The following STOX1 variants were observed in gnomAD, a reference collection of about 807,000 sequenced individuals.
STOX1 encodes storkhead-box protein 1.
Under a neutral mutation model 74.8 loss-of-function variants are expected in STOX1, and 57 were observed. The observed-to-expected ratio is 0.76, with a 90% CI of 0.62 to 0.95. The LOEUF is 0.95. Among genes scored for constraint, STOX1 ranks in the 40% least tolerant of loss-of-function variants. STOX1 has a pLI of 0.00. For missense variants in STOX1, 1,010 were observed against 1,117.0 expected (o/e 0.90, Z 1.37); for synonymous variants, 375 against 401.3 (o/e 0.93, Z 0.78).
chr10:68,831,039 G>A (rs1839393652), intron 1 of STOX1, among the ~76,000 whole-genome samples: 1 of 152,180 alleles, frequency 6.6e-6, no homozygotes, highest in Non-Finnish European at 1.5e-5. Flanking sequence ...GCCTCTTGCA[G>A]CACTGACTTC....
chr10:68,839,516 G>A (rs1042661148), intron 1 of STOX1, among the ~76,000 whole-genome samples: 3 of 152,114 alleles, frequency 2.0e-5, no homozygotes, highest in African/African-American at 7.2e-5. Flanking sequence ...AACACAGCTG[G>A]GAGTCTCTCT....
At chr10:68,873,559 C>CA (rs1316368959) in intron 1 of STOX1, among the ~76,000 whole-genome samples, 1 of 63,188 alleles carries the variant, frequency 1.6e-5, no homozygotes, top group African/African-American at 5.8e-5. Context: ...CCGCGCCTGG[C>CA]CTTTTTTTTT....
chr10:68,841,096 A>G (rs957353521), intron 1 of STOX1, among the ~76,000 whole-genome samples: 5 of 151,762 alleles, frequency 3.3e-5, no homozygotes, highest in African/African-American at 1.2e-4. Context: ...ACAGGTGCCT[A>G]CCACCAAGTC....
In STOX1 at chr10:68,833,080, G is replaced by GTTTT. The variant is rs1185911507; in HGVS notation, c.310+5167_310+5170dup. On this transcript the variant is annotated intron_variant, in intron 1 of 3. Transcript: ENST00000298596. ...CCACCTTGCCTAGCCACTTCTGTGG[G>GTTTT]TTTTTTTTTTTTTTTTTTTTTTTGA... Among the ~76,000 whole-genome samples the GTTTT allele has an allele frequency of 1.7e-3, 173 of 104,618 alleles. 5 individuals carry two copies. The highest frequency in any genetic ancestry group is 6.3e-3 in the African/African-American group (152 of 24,198). 68.6% of individuals were successfully genotyped at this position (104,618 alleles called of 152,430 possible). A position where few individuals can be genotyped will look rare whatever the true frequency, so the allele number is the denominator to read the frequency against.
intron 1 of STOX1, among the ~76,000 whole-genome samples, chr10:68,875,658 T>A (rs1227453362): frequency 6.6e-6 from 1 of 152,194 alleles, no homozygotes; most frequent in East Asian, 1.9e-4. Context: ...CACTTCTTTT[T>A]CCTCAGAACT....
intron 3 of STOX1, among the ~76,000 whole-genome samples, chr10:68,887,607 T>G (rs1304058634): frequency 2.0e-5 from 3 of 150,862 alleles, no homozygotes; most frequent in African/African-American, 7.3e-5. Context: ...TTTTTTTTTT[T>G]TTTTTTGAGG....
chr10:68,850,697 G>A (rs1839961920), intron 1 of STOX1, among the ~76,000 whole-genome samples: 1 of 152,224 alleles, frequency 6.6e-6, no homozygotes. Context: ...CATTTGGCTG[G>A]GCACAGTGGC....
chr10:68,892,594 A>G lies in STOX1; in HGVS notation c.2828A>G (p.Gln943Arg), dbSNP rs772819851. 4 of 1,613,554 alleles carry G rather than the reference A, an allele frequency of 2.5e-6. No individual in the cohort carries two copies. The South Asian group carries it at 4.4e-5, about 18-fold the overall frequency. ...GTTATTTTTAATATCTTTAGGACAC[A>G]GAGTCTGGGATCTAATAATTCAGTC... Reference protein sequence around the residue: ...GDSGIDSPRTQSLGSNNSVIL... With the variant: ...GDSGIDSPRTRSLGSNNSVIL... Residue 943 changes from glutamine (Q) to arginine (R), a missense_variant, in exon 4 of 4, where the codon CAG becomes CGG. By Grantham distance (43) the Gln-to-Arg change is conservative (BLOSUM62 1). Transcript: ENST00000298596.
intron 1 of STOX1, among the ~76,000 whole-genome samples, chr10:68,868,858 A>G (rs1030080608): frequency 6.6e-6 from 1 of 152,244 alleles, no homozygotes; most frequent in Admixed American, 6.5e-5. Context: ...GACACGTGTC[A>G]AATCTATTCC....
rs1216984448 is a variant in STOX1, at chr10:68,892,854, A to G, written c.*118A>G. 9.0e-6 allele frequency: 10 copies of G among 1,108,306 alleles called. No individual in the cohort carries two copies. Among genetic ancestry groups the G allele is most frequent in the Middle Eastern group, 2.8e-4 (1 of 3,510 alleles). 68.7% of individuals were successfully genotyped at this position (1,108,306 alleles called of 1,614,324 possible). A position where few individuals can be genotyped will look rare whatever the true frequency, so the allele number is the denominator to read the frequency against. The stretch of plus-strand genomic sequence containing the variant: ...GTCTAAAGGCAAGCATATCTATACT[A>G]TTAACCACATTACACATTTTGTTCT... On this transcript the variant is annotated 3_prime_UTR_variant, in exon 4 of 4. Transcript: ENST00000298596.
intron 1 of STOX1, among the ~76,000 whole-genome samples, chr10:68,843,143 A>G (rs1189221962): frequency 6.6e-6 from 1 of 152,150 alleles, no homozygotes; most frequent in Non-Finnish European, 1.5e-5. Context: ...GACTCAAGCC[A>G]TCCTTCTGCC....
Position 68,827,561 on chromosome 10 carries a change from G to T in STOX1, c.-63G>T. On this transcript the variant is annotated 5_prime_UTR_variant, in exon 1 of 4. Transcript: ENST00000298596. Reference sequence around the variant, plus strand: ...CGGCCGATCCTCCCGCCGAGCGAGCGGCGTCGTAGCCGCCGCGCTCGCCGA... The same window carrying T: ...CGGCCGATCCTCCCGCCGAGCGAGCTGCGTCGTAGCCGCCGCGCTCGCCGA... The T allele has an allele frequency of 9.6e-7, 1 of 1,042,918 alleles. No homozygotes were observed. Among genetic ancestry groups the T allele is most frequent in the Non-Finnish European group, 1.2e-6 (1 of 852,586 alleles). The allele number at this position is 1,042,918 out of a possible 1,614,324, so 64.6% of individuals were successfully genotyped here.
intron 1 of STOX1, among the ~76,000 whole-genome samples, chr10:68,874,660 CAAAAAAAAAA>C (rs545162403): frequency 0.48 from 60,042 of 126,302 alleles, 12,964 homozygotes; most frequent in Middle Eastern, 0.52. Flanking sequence ...GACTCCGTCT[CAAAAAAAAAA>C]AAAAAAAAAA....
intron 1 of STOX1, among the ~76,000 whole-genome samples, chr10:68,872,345 T>TC (rs200355695): frequency 1.9e-4 from 23 of 118,348 alleles, no homozygotes; most frequent in South Asian, 6.1e-4. Context: ...TTCTTTTCTT[T>TC]TTTTTTTTTT....
intron 1 of STOX1, among the ~76,000 whole-genome samples, chr10:68,881,357 C>T (rs1000351707): frequency 6.6e-6 from 1 of 152,192 alleles, no homozygotes; most frequent in Non-Finnish European, 1.5e-5. Flanking sequence ...CTTAAATGTG[C>T]TTTCCATGGT....
At chr10:68,865,285 G>A (rs939047938) in intron 1 of STOX1, among the ~76,000 whole-genome samples, 1 of 147,094 alleles carries the variant, frequency 6.8e-6, no homozygotes, top group Non-Finnish European at 1.6e-5. Flanking sequence ...AATCGTAAAT[G>A]CAAACCGTTC....
chr10:68,867,395 T>C (rs1840436683), intron 1 of STOX1, among the ~76,000 whole-genome samples: 1 of 152,222 alleles, frequency 6.6e-6, no homozygotes, highest in South Asian at 2.1e-4. Flanking sequence ...AACAGGGAAC[T>C]GCCAAGCCTC....
At chr10:68,871,492 G>A (rs1477359626) in intron 1 of STOX1, among the ~76,000 whole-genome samples, 1 of 152,210 alleles carries the variant, frequency 6.6e-6, no homozygotes, top group African/African-American at 2.4e-5. Context: ...TCTTCCCAAG[G>A]GAAGCCTTTA....
chr10:68,894,659 A>G (rs1161488565), downstream of STOX1, among the ~76,000 whole-genome samples: 5 of 152,170 alleles, frequency 3.3e-5, no homozygotes, highest in East Asian at 7.7e-4. Flanking sequence ...AGGTGAGAGT[A>G]TAGTTTTAGG....
Sources: gnomAD v4.1 joint callset for allele counts (sites outside exome capture counted in the v4.1 genomes callset) on GRCh38, gnomAD v4.1.1 for gene constraint, MANE v1.5 for transcripts, NCBI Gene and HGNC (gene_info 2026-07-23, HGNC 2026-07-21) for gene names.